PRKN: variants seen among roughly 807,000 people sequenced by gnomAD.
PRKN encodes the protein E3 ubiquitin-protein ligase parkin.
Under a neutral mutation model 59.5 loss-of-function variants are expected in PRKN, and 56 were observed. The observed-to-expected ratio is 0.94, with a 90% CI of 0.76 to 1.18. The LOEUF (loss-of-function observed/expected upper bound fraction) is 1.18. Among genes scored for constraint, PRKN ranks in the 50% most tolerant of loss-of-function variants. The probability of loss-of-function intolerance (pLI) is 0.00; values close to 1 mark genes in which losing one functional copy is unlikely to be tolerated. For synonymous variants in PRKN, 250 were observed against 222.1 expected (o/e 1.13, Z -1.12); for missense variants, 657 against 596.4 (o/e 1.10, Z -1.06).
chr6:161,529,506 T>G lies in PRKN; in HGVS notation c.1083+19348A>C, dbSNP rs991362079. On this transcript the variant is annotated intron_variant, in intron 9 of 11. Transcript: ENST00000366898. This position sits in a 1 kb window ranked among gnomAD's most constrained non-coding sequence, Gnocchi z 4.4. ...CAGGAAAGGTGAAATGGCTTACTTA[T>G]GATCTCACAGCAATGGGACAGAGAA... Among the ~76,000 whole-genome samples, 2 of 152,208 alleles carry G rather than the reference T, an allele frequency of 1.3e-5. No individual in the cohort carries two copies. Among genetic ancestry groups the G allele is most frequent in the African/African-American group, 2.4e-5 (1 of 41,448 alleles).
At chr6:162,284,983 A>C (rs1449614118) in intron 2 of PRKN, among the ~76,000 whole-genome samples, 2 of 152,166 alleles carry the variant, frequency 1.3e-5, no homozygotes, top group African/African-American at 4.8e-5. Context: ...ACATGAATGG[A>C]ATCCTTTTAA....
chr6:162,266,299 T>A (rs769084851), intron 2 of PRKN, among the ~76,000 whole-genome samples: 59 of 40,212 alleles, frequency 1.5e-3, no homozygotes, highest in East Asian at 2.3e-3. Flanking sequence ...ACATATATAT[T>A]GTGTGTGTGT....
chr6:161,897,979 A>AAAAAAAAAAAAAAAAAAAAAAC (rs1777718762), intron 6 of PRKN, among the ~76,000 whole-genome samples: 1 of 140,734 alleles, frequency 7.1e-6, no homozygotes, highest in Non-Finnish European at 1.5e-5. Context: ...AAAAAAAAAA[A>AAAAAAAAAAAAAAAAAAAAAAC]AAAAAGTCTC....
chr6:161,772,395 A>T (rs1185182053), intron 7 of PRKN, among the ~76,000 whole-genome samples: 2 of 152,164 alleles, frequency 1.3e-5, no homozygotes, highest in Non-Finnish European at 2.9e-5. Flanking sequence ...CTAATGTTGC[A>T]TATTGCCGAG....
chr6:162,044,250 A>C (rs1248084747), intron 5 of PRKN, among the ~76,000 whole-genome samples: 1 of 152,230 alleles, frequency 6.6e-6, no homozygotes, highest in Non-Finnish European at 1.5e-5. Flanking sequence ...AAACTTCAAC[A>C]TGCTGAGATT....
chr6:162,554,115 G>T (rs898547465), intron 1 of PRKN, among the ~76,000 whole-genome samples: 15 of 152,204 alleles, frequency 9.9e-5, no homozygotes. Context: ...GATGAGAATA[G>T]AGTAGAAGAA....
chr6:161,385,102 G>A lies in PRKN; in HGVS notation c.1167+1692C>T, dbSNP rs985961775. Among the ~76,000 whole-genome samples, 6 of 152,148 alleles carry A rather than the reference G, an allele frequency of 3.9e-5. No individual in the cohort carries two copies. The highest frequency in any genetic ancestry group is 7.4e-5 in the Non-Finnish European group (5 of 68,000). On this transcript the variant is annotated intron_variant, in intron 10 of 11. Coordinates refer to ENST00000366898, the MANE Select transcript of PRKN (RefSeq NM_004562.3). This position sits in a 1 kb window ranked among gnomAD's most constrained non-coding sequence, Gnocchi z 4.9. Reference sequence around the variant, plus strand: ...ACGCCACCACACCCAGCTAATTTTTGTATTTTTAGTAGAGACGGGGTTTCA... The same window carrying A: ...ACGCCACCACACCCAGCTAATTTTTATATTTTTAGTAGAGACGGGGTTTCA...
chr6:161,857,562 A>G (rs2186804), intron 6 of PRKN, among the ~76,000 whole-genome samples: 75,708 of 152,012 alleles, frequency 0.5, 19,102 homozygotes, highest in East Asian at 0.76. Flanking sequence ...GCAAATCTAC[A>G]TTGGGGTATG....
intron 1 of PRKN, among the ~76,000 whole-genome samples, chr6:162,516,162 A>G (rs777736752): frequency 2.0e-5 from 3 of 152,110 alleles, no homozygotes; most frequent in Non-Finnish European, 4.4e-5. Context: ...ACAGCTGATG[A>G]CTGAATTCAT....
chr6:162,530,117 C>T (rs959194354), intron 1 of PRKN, among the ~76,000 whole-genome samples: 9 of 142,794 alleles, frequency 6.3e-5, no homozygotes, highest in South Asian at 2.2e-4. Flanking sequence ...GCAACAAGAG[C>T]GAAACTAACT....
chr6:162,471,070 TTTTTTATTTATTTATTTATTTTCA>T (rs141532589), intron 1 of PRKN, among the ~76,000 whole-genome samples: 43,535 of 147,066 alleles, frequency 0.3, 6,548 homozygotes, highest in East Asian at 0.43. Flanking sequence ...CCACACTCTA[TTTTTTATTTATTTATTTATTTTCA>T]TTTTTATTTA....
intron 1 of PRKN, among the ~76,000 whole-genome samples, chr6:162,498,387 TCTTTCC>T (rs1793174713): frequency 8.0e-6 from 1 of 125,000 alleles, no homozygotes; most frequent in Non-Finnish European, 1.7e-5. Context: ...TTTTTTTCTT[TCTTTCC>T]TTTTTTTTTT....
At chr6:162,275,658 G>A (rs1448914296) in intron 2 of PRKN, among the ~76,000 whole-genome samples, 1 of 151,972 alleles carries the variant, frequency 6.6e-6, no homozygotes, top group Non-Finnish European at 1.5e-5. Context: ...GGTGGCGGAT[G>A]CCTGCAATCC....
chr6:161,812,956 A>T (rs1268227301), intron 6 of PRKN, among the ~76,000 whole-genome samples: 1 of 152,258 alleles, frequency 6.6e-6, no homozygotes, highest in Non-Finnish European at 1.5e-5. Flanking sequence ...TCACAGCAGC[A>T]TTATTTATGA....
chr6:162,660,249 A>T (rs1241514494), intron 1 of PRKN, among the ~76,000 whole-genome samples: 1 of 152,172 alleles, frequency 6.6e-6, no homozygotes, highest in Non-Finnish European at 1.5e-5. Flanking sequence ...CTTTCTCAGA[A>T]ATAAGCCTAA....
chr6:161,870,186 G>A (rs1301453001), intron 6 of PRKN, among the ~76,000 whole-genome samples: 1 of 152,090 alleles, frequency 6.6e-6, no homozygotes, highest in Non-Finnish European at 1.5e-5. Flanking sequence ...AGAGAAGTAC[G>A]TTTCCTAATA....
chr6:161,432,455 C>T lies in PRKN; in HGVS notation c.1084-45578G>A, dbSNP rs183516602. Among the ~76,000 whole-genome samples the T allele has an allele frequency of 8.7e-3, 1,314 of 150,580 alleles. 12 individuals are homozygous for T. Among genetic ancestry groups the T allele is most frequent in the South Asian group, 0.041 (195 of 4,742 alleles). On this transcript the variant is annotated intron_variant, in intron 9 of 11. Coordinates refer to ENST00000366898, the MANE Select transcript of PRKN (RefSeq NM_004562.3). ...TTGGCTCACTGCAACCTCTGCCTCC[C>T]GGGTTCAAGCGATTCTCCTGCCTCA...
chr6:162,392,245 G>A (rs1218933562), intron 2 of PRKN, among the ~76,000 whole-genome samples: 2 of 152,120 alleles, frequency 1.3e-5, no homozygotes, highest in Non-Finnish European at 2.9e-5. Flanking sequence ...ACAGCATAAG[G>A]TCTGCTCAGG....
chr6:162,446,987 T>C (rs1562771344), intron 1 of PRKN, among the ~76,000 whole-genome samples: 1 of 152,206 alleles, frequency 6.6e-6, no homozygotes, highest in Non-Finnish European at 1.5e-5. Flanking sequence ...GCTAATTTTA[T>C]GACAAGTTAC....
Sources: allele counts gnomAD v4.1 joint callset (sites outside exome capture counted in the v4.1 genomes callset), GRCh38; gene constraint gnomAD v4.1.1; non-coding constraint Gnocchi (gnomAD v3.1); transcripts MANE v1.5; gene names NCBI Gene and HGNC (gene_info 2026-07-23, HGNC 2026-07-21).